Variants in CDK19 observed in about 807,000 individuals in gnomAD.
CDK19 encodes the protein cyclin dependent kinase 19.
A neutral mutation model predicts 68.3 loss-of-function variants in CDK19; 20 were observed. The ratio of observed to expected loss-of-function variants is 0.29; its 90% CI spans 0.21 to 0.43. CDK19 has a LOEUF of 0.43. Ranked by LOEUF, CDK19 falls within the 20% of genes least tolerant of loss-of-function variation. The pLI, the probability that CDK19 is intolerant of heterozygous loss-of-function variation, is 1.00. For missense variants in CDK19, 339 were observed against 623.5 expected, an observed-to-expected ratio of 0.54 and a Z score of 4.86; for synonymous variants, 221 against 222.8, an observed-to-expected ratio of 0.99 and a Z score of 0.07.
chr6:110,801,678 A>AT (rs1332503581), intron 1 of CDK19, among the ~76,000 whole-genome samples: 1 of 151,956 alleles, frequency 6.6e-6, no homozygotes, highest in Non-Finnish European at 1.5e-5. Context: ...CACCCGGCTA[A>AT]TTTTTTGTAT....
chr6:110,756,854 G>A (rs543205863), intron 1 of CDK19, among the ~76,000 whole-genome samples: 6 of 152,194 alleles, frequency 3.9e-5, no homozygotes, highest in African/African-American at 1.2e-4. Flanking sequence ...GAATAAATTC[G>A]TTTTGGACAT....
intron 12 of CDK19, among the ~76,000 whole-genome samples, chr6:110,619,054 T>C (rs140159374): frequency 6.6e-6 from 1 of 152,338 alleles, no homozygotes; most frequent in Non-Finnish European, 1.5e-5. Flanking sequence ...AGATGGTGTA[T>C]GAGTTGCAAG....
At chr6:110,693,520 C>A (rs1458120830) in intron 2 of CDK19, among the ~76,000 whole-genome samples, 1 of 152,198 alleles carries the variant, frequency 6.6e-6, no homozygotes, top group African/African-American at 2.4e-5. Flanking sequence ...GAGTGCAGCC[C>A]TATAGGCTGG....
chr6:110,800,085 T>C (rs774022027), intron 1 of CDK19, among the ~76,000 whole-genome samples: 3 of 152,212 alleles, frequency 2.0e-5, no homozygotes, highest in Admixed American at 6.6e-5. Context: ...GTGTTCACTT[T>C]TTAGAATCAA....
intron 2 of CDK19, among the ~76,000 whole-genome samples, chr6:110,728,095 C>T (rs1776465696): frequency 6.6e-6 from 1 of 151,994 alleles, no homozygotes; most frequent in South Asian, 2.1e-4. Context: ...CAAGACCAGC[C>T]TGAGCAACAT....
chr6:110,628,750 T>C (rs938517514), intron 6 of CDK19, among the ~76,000 whole-genome samples: 2 of 152,112 alleles, frequency 1.3e-5, no homozygotes, highest in Admixed American at 6.5e-5. Context: ...AATGGAAAAA[T>C]CCATACAGTA....
intron 1 of CDK19, among the ~76,000 whole-genome samples, chr6:110,770,432 C>T (rs897922055): frequency 1.2e-4 from 18 of 152,132 alleles, no homozygotes; most frequent in African/African-American, 1.9e-4. Context: ...CTGATAAAAC[C>T]GTCAGATCTC....
chr6:110,686,699 C>T (rs1452592902), intron 2 of CDK19, among the ~76,000 whole-genome samples: 2 of 152,020 alleles, frequency 1.3e-5, no homozygotes, highest in Non-Finnish European at 2.9e-5. Context: ...TATCAAGCAC[C>T]TACAAAAATA....
At chr6:110,797,241 G>A (rs934192845) in intron 1 of CDK19, among the ~76,000 whole-genome samples, 2 of 151,936 alleles carry the variant, frequency 1.3e-5, no homozygotes, top group Non-Finnish European at 2.9e-5. Flanking sequence ...TCGGGAGGCT[G>A]AGGCAGGAGA....
intron 1 of CDK19, among the ~76,000 whole-genome samples, chr6:110,794,962 A>G (rs1367343163): frequency 1.3e-5 from 2 of 152,050 alleles, no homozygotes; most frequent in Non-Finnish European, 2.9e-5. Flanking sequence ...TCCAAGGAAA[A>G]CTTGCTGCTG....
At chr6:110,627,232 T>C (rs1431051922) in intron 6 of CDK19, 87 bp from the exon 7 acceptor site, 1 of 973,060 alleles carries the variant, frequency 1.0e-6, no homozygotes, top group East Asian at 2.9e-5. Flanking sequence ...AAAAATACTT[T>C]TCAGTAAATC....
chr6:110,813,028 G>A (rs968237688), intron 1 of CDK19: 2 of 148,198 alleles, frequency 1.3e-5, no homozygotes, highest in African/African-American at 2.5e-5. Flanking sequence ...TTAAACTAAT[G>A]CTTTCAGATC....
chr6:110,703,167 A>C (rs1167263912), intron 2 of CDK19, among the ~76,000 whole-genome samples: 1 of 152,134 alleles, frequency 6.6e-6, no homozygotes, highest in Non-Finnish European at 1.5e-5. Flanking sequence ...ACCCCCGGCA[A>C]GTGAAATAAC....
chr6:110,642,783 T>C (rs1166820226), intron 4 of CDK19, among the ~76,000 whole-genome samples: 1 of 141,640 alleles, frequency 7.1e-6, no homozygotes, highest in Non-Finnish European at 1.5e-5. Flanking sequence ...CTGTCTTTGA[T>C]AGGAGGGGAG....
chr6:110,754,629 G>A (rs12191784), intron 1 of CDK19, among the ~76,000 whole-genome samples: 23,738 of 151,460 alleles, frequency 0.16, 2,073 homozygotes, highest in East Asian at 0.32. Flanking sequence ...ACAGGCACGC[G>A]CAACCATGCC....
intron 2 of CDK19, among the ~76,000 whole-genome samples, chr6:110,729,715 C>A (rs866955636): frequency 6.6e-6 from 1 of 150,806 alleles, no homozygotes; most frequent in Non-Finnish European, 1.5e-5. Flanking sequence ...GGATTACAGG[C>A]GTGAGCCACC....
chr6:110,803,187 C>G (rs1369374668), intron 1 of CDK19, among the ~76,000 whole-genome samples: 2 of 152,142 alleles, frequency 1.3e-5, no homozygotes, highest in African/African-American at 2.4e-5. Flanking sequence ...TCACGCCATT[C>G]TCCTGCCTCA....
At chr6:110,804,834 T>C (rs968701750) in intron 1 of CDK19, among the ~76,000 whole-genome samples, 23 of 151,560 alleles carry the variant, frequency 1.5e-4, no homozygotes, top group African/African-American at 5.1e-4. Context: ...CGAGCGTCTG[T>C]AGTCCCAGCC....
At chr6:110,813,293 T>A (rs1321066780) in intron 1 of CDK19, 1 of 152,030 alleles carries the variant, frequency 6.6e-6, no homozygotes, top group East Asian at 1.9e-4. Context: ...TCTCAAAAGT[T>A]CCCTAATAAA....
Sources: gnomAD v4.1 joint callset for allele counts (sites outside exome capture counted in the v4.1 genomes callset) on GRCh38, gnomAD v4.1.1 for gene constraint, MANE v1.5 for transcripts, NCBI Gene and HGNC (gene_info 2026-07-23, HGNC 2026-07-21) for gene names.